WWOX: variants seen among roughly 807,000 people sequenced by gnomAD.
WWOX encodes the protein WW domain containing oxidoreductase, also known as WW domain-containing oxidoreductase.
In WWOX, 69 loss-of-function variants were observed where a neutral mutation model predicts 46.2. That is an observed-to-expected ratio of 1.49 (90% confidence interval 1.23 to 1.82). The LOEUF (loss-of-function observed/expected upper bound fraction) is 1.82, where lower values mean the gene tolerates loss of function less well. Ranked by LOEUF, WWOX falls within the 40% of genes most tolerant of loss-of-function variation. WWOX has a pLI of 0.00. For synonymous variants in WWOX, 359 were observed against 202.6 expected (o/e 1.77, Z -6.56); for missense variants, 919 against 542.6 (o/e 1.69, Z -6.89).
At chr16:78,923,212 C>T (rs914391363) in intron 8 of WWOX, among the ~76,000 whole-genome samples, 6 of 152,052 alleles carry the variant, frequency 3.9e-5, no homozygotes, top group African/African-American at 1.4e-4. Flanking sequence ...AACTCCCAAC[C>T]TCAGGTGATC....
intron 8 of WWOX, chr16:78,890,104 C>CACACAT (rs1165569703): frequency 2.0e-5 from 3 of 152,058 alleles, no homozygotes. Context: ...CACACATGTA[C>CACACAT]ACACATACAC....
chr16:78,711,290 C>G (rs990184674), intron 8 of WWOX, among the ~76,000 whole-genome samples: 7 of 152,132 alleles, frequency 4.6e-5, no homozygotes, highest in African/African-American at 1.4e-4. Context: ...ATCACTTTCC[C>G]TTTTGAAGAC....
chr16:78,496,461 A>G (rs1052639932), intron 8 of WWOX: 1 of 152,250 alleles, frequency 6.6e-6, no homozygotes, highest in Non-Finnish European at 1.5e-5. Context: ...GAGGAATCAA[A>G]CGTGTTAGCA....
intron 8 of WWOX, among the ~76,000 whole-genome samples, chr16:78,797,310 G>A (rs568124791): frequency 7.5e-6 from 1 of 132,850 alleles, no homozygotes; most frequent in African/African-American, 2.9e-5. Context: ...AGACTGTATT[G>A]TATAATCATG....
At chr16:79,117,117 T>C (rs1227025755) in intron 8 of WWOX, among the ~76,000 whole-genome samples, 1 of 152,158 alleles carries the variant, frequency 6.6e-6, no homozygotes, top group Non-Finnish European at 1.5e-5. Context: ...GCTCAAATTA[T>C]CCTCCTACTC....
At chr16:79,101,761 GA>G (rs1252159270) in intron 8 of WWOX, 4 of 146,778 alleles carry the variant, frequency 2.7e-5, no homozygotes, top group Non-Finnish European at 5.9e-5. Flanking sequence ...AAAAAAAAAG[GA>G]CTAATACTTC....
intron 8 of WWOX, among the ~76,000 whole-genome samples, chr16:78,630,457 G>T (rs917092927): frequency 6.6e-6 from 1 of 152,124 alleles, no homozygotes; most frequent in Non-Finnish European, 1.5e-5. Context: ...CTACAGAGAG[G>T]GTGCCTACGT....
intron 8 of WWOX, among the ~76,000 whole-genome samples, chr16:78,719,963 CTCAAT>C (rs1467142154): frequency 9.9e-5 from 15 of 152,132 alleles, no homozygotes; most frequent in African/African-American, 3.6e-4. Context: ...CTAAGCTAGT[CTCAAT>C]TCAATTTAAA....
At chr16:78,259,638 T>A (rs1052086238) in intron 5 of WWOX, among the ~76,000 whole-genome samples, 3 of 151,600 alleles carry the variant, frequency 2.0e-5, no homozygotes, top group Admixed American at 6.6e-5. Flanking sequence ...AAATGTAAAA[T>A]TAACTTAGGT....
intron 8 of WWOX, among the ~76,000 whole-genome samples, chr16:79,118,623 C>G (rs1368953224): frequency 6.6e-6 from 1 of 152,164 alleles, no homozygotes; most frequent in African/African-American, 2.4e-5. Context: ...ATACATACAG[C>G]TCAGTGAAGA....
At chr16:79,012,187 C>G (rs923028234) in intron 8 of WWOX, among the ~76,000 whole-genome samples, 1 of 152,120 alleles carries the variant, frequency 6.6e-6, no homozygotes, top group African/African-American at 2.4e-5. Flanking sequence ...ATAAAAGCCA[C>G]AAGCCACATC....
intron 8 of WWOX, among the ~76,000 whole-genome samples, chr16:78,910,196 G>C (rs969477224): frequency 6.6e-5 from 10 of 152,050 alleles, no homozygotes; most frequent in African/African-American, 2.2e-4. Context: ...ACTTGCTTTA[G>C]CCAAAGAAGC....
intron 4 of WWOX, among the ~76,000 whole-genome samples, chr16:78,121,560 A>G (rs1358464659): frequency 6.6e-6 from 1 of 152,218 alleles, no homozygotes; most frequent in African/African-American, 2.4e-5. Context: ...TAATTTGGTA[A>G]TCTCATGTAA....
intron 8 of WWOX, among the ~76,000 whole-genome samples, chr16:78,866,150 C>G (rs555543744): frequency 6.6e-6 from 1 of 152,278 alleles, no homozygotes; most frequent in East Asian, 1.9e-4. Flanking sequence ...TCCCATCTAG[C>G]TCCTGGGCTA....
intron 8 of WWOX, among the ~76,000 whole-genome samples, chr16:78,922,037 A>G (rs1013497549): frequency 2.0e-5 from 3 of 152,222 alleles, no homozygotes; most frequent in African/African-American, 2.4e-5. Context: ...ATACTTTTCT[A>G]CTATCTATGT....
intron 8 of WWOX, among the ~76,000 whole-genome samples, chr16:79,027,803 G>C (rs1031422978): frequency 6.6e-6 from 1 of 151,730 alleles, no homozygotes; most frequent in Admixed American, 6.6e-5. Context: ...CATTTCTCGG[G>C]ATGGTTTTTG....
At chr16:78,589,230 A>G (rs1386135631) in intron 8 of WWOX, among the ~76,000 whole-genome samples, 1 of 152,138 alleles carries the variant, frequency 6.6e-6, no homozygotes, top group African/African-American at 2.4e-5. Context: ...CTCAGGAGGG[A>G]ACAGAGGGAG....
chr16:78,770,597 G>A (rs1355822503), intron 8 of WWOX, among the ~76,000 whole-genome samples: 1 of 152,176 alleles, frequency 6.6e-6, no homozygotes, highest in Non-Finnish European at 1.5e-5. Context: ...TGTGGGAGGT[G>A]CCTACCAAGG....
At chr16:78,508,902 T>C (rs1233332520) in intron 8 of WWOX, among the ~76,000 whole-genome samples, 2 of 152,240 alleles carry the variant, frequency 1.3e-5, no homozygotes, top group Non-Finnish European at 1.5e-5. Context: ...TATTTAATTA[T>C]CTTCTGCTGT....
Sources: gnomAD v4.1 joint callset for allele counts (sites outside exome capture counted in the v4.1 genomes callset) on GRCh38, gnomAD v4.1.1 for gene constraint, MANE v1.5 for transcripts, NCBI Gene and HGNC (gene_info 2026-07-23, HGNC 2026-07-21) for gene names.